YJU2B: variants seen among roughly 807,000 people sequenced by gnomAD.
The protein encoded by YJU2B is YJU2 splicing factor homolog B, also known as probable splicing factor YJU2B.
Under a neutral mutation model 38.0 loss-of-function variants are expected in YJU2B, and 18 were observed. The ratio of observed to expected loss-of-function variants is 0.47; its 90% CI spans 0.33 to 0.70. The LOEUF (loss-of-function observed/expected upper bound fraction) is 0.70. Ranked by LOEUF, YJU2B falls within the 30% of genes least tolerant of loss-of-function variation. The pLI is 0.02. For synonymous variants in YJU2B, 246 were observed against 225.4 expected (o/e 1.09, Z -0.82); for missense variants, 538 against 556.3 (o/e 0.97, Z 0.33).
chr19:13,757,398 G>C lies in YJU2B; in HGVS notation c.141-20G>C. On this transcript the variant is annotated intron_variant, in intron 4 of 9. Coordinates refer to ENST00000221554, the MANE Select transcript of YJU2B (RefSeq NM_030818.4). Reference sequence around the variant, plus strand: ...TGTCCAAGTGGACAAGTGCAAGTAAGATGCTGTCTGTCTTTGCAGATTCGA... The same window carrying C: ...TGTCCAAGTGGACAAGTGCAAGTAACATGCTGTCTGTCTTTGCAGATTCGA... 6.2e-7 allele frequency: 1 copy of C among 1,612,180 alleles called. No individual in the cohort carries two copies. Among genetic ancestry groups the C allele is most frequent in the Non-Finnish European group, 8.5e-7 (1 of 1,178,254 alleles).
At chr19:13,740,771 G>A (rs762833520) in intron 2 of YJU2B, among the ~76,000 whole-genome samples, 3 of 152,086 alleles carry the variant, frequency 2.0e-5, no homozygotes, top group East Asian at 1.9e-4. Context: ...TCCTGACCTC[G>A]CGATCTGCCT....
chr19:13,749,541 G>T (rs529219758), intron 1 of YJU2B, among the ~76,000 whole-genome samples: 1 of 152,084 alleles, frequency 6.6e-6, no homozygotes, highest in South Asian at 2.1e-4. Flanking sequence ...TTATTTTCTG[G>T]CCCTTGACAG....
Position 13,762,975 on chromosome 19 carries a change from C to T in YJU2B, c.1098C>T (p.Ser366=), listed in dbSNP as rs754578587. The part of the protein sequence containing the change: ...RQDKPLSPAG[S]SQEAADTPDT... ...ACAAGCCCCTGTCGCCAGCAGGCTCCTCCCAGGAGGCAGCTGACACCCCCG... is the reference window on the plus strand; with the variant it reads ...ACAAGCCCCTGTCGCCAGCAGGCTCTTCCCAGGAGGCAGCTGACACCCCCG... The change falls in exon 10 of 10, where the codon TCC becomes TCT. Residue 366 remains serine, a synonymous_variant. Coordinates refer to ENST00000221554, the MANE Select transcript of YJU2B (RefSeq NM_030818.4). The T allele has an allele frequency of 6.8e-6, 11 of 1,611,024 alleles. No individual in the cohort carries two copies. Among genetic ancestry groups the T allele is most frequent in the Middle Eastern group, 1.6e-4 (1 of 6,070 alleles).
At chr19:13,759,579 ACCC>A (rs3059652) in intron 8 of YJU2B, 3 of 220,244 alleles carry the variant, frequency 1.4e-5, no homozygotes, top group African/African-American at 4.6e-5. Context: ...GTGAGACACC[ACCC>A]CCCCCCTCCC....
At position 13,759,188 on chromosome 19, in the gene YJU2B, G is replaced by A. The variant is rs1428457546; in HGVS notation, c.489G>A (p.Leu163=). ...ACCGCAGCACACTCAAGAAGGCGCT[G>A]CCCACACTGAGCCACATCCAGGAGG... ...EADRSTLKKA[L]PTLSHIQEAQ... is the part of the protein sequence containing the mutation. Residue 163 remains leucine, a synonymous_variant, in exon 8 of 10, where the codon CTG becomes CTA. Transcript: ENST00000221554. The A allele has an allele frequency of 6.2e-7, 1 of 1,613,490 alleles. No homozygotes were observed. Among genetic ancestry groups the A allele is most frequent in the South Asian group, 1.1e-5 (1 of 90,986 alleles).
intron 1 of YJU2B, among the ~76,000 whole-genome samples, chr19:13,749,632 CTTTTTT>C (rs71170557): frequency 7.7e-6 from 1 of 130,336 alleles, no homozygotes; most frequent in African/African-American, 2.9e-5. Flanking sequence ...GAACTTCTTT[CTTTTTT>C]TTTTTTTTTT....
chr19:13,756,149 C>T (rs1973657759), intron 3 of YJU2B, 48 bp from the exon 4 acceptor site: 4 of 1,494,590 alleles, frequency 2.7e-6, no homozygotes, highest in Non-Finnish European at 3.7e-6. Context: ...AAATTGTGAG[C>T]TCCTCCAGCT....
chr19:13,749,667 C>T (rs1423409088), intron 1 of YJU2B, among the ~76,000 whole-genome samples: 1 of 140,762 alleles, frequency 7.1e-6, no homozygotes. Flanking sequence ...GAGTCTCGCT[C>T]TATCGCCCAG....
chr19:13,751,823 G>A lies in YJU2B; in HGVS notation c.3+12G>A. 1 of 1,614,024 alleles carries A rather than the reference G, an allele frequency of 6.2e-7. No individual in the cohort carries two copies. The highest frequency in any genetic ancestry group is 8.5e-7 in the Non-Finnish European group (1 of 1,179,890). ...CAGCTCCCAAGATGGTGAGTAGACA[G>A]CCTCGTGTGCCCTGGGTTTCTCTCC... On this transcript the variant is annotated intron_variant, in intron 2 of 9. Transcript: ENST00000221554.
chr19:13,759,059 G>A (rs1176068310), intron 7 of YJU2B, 41 bp from the exon 8 acceptor site: 10 of 1,612,422 alleles, frequency 6.2e-6, no homozygotes, highest in East Asian at 4.5e-5. Flanking sequence ...CTGAGTCTGC[G>A]CTGGGGCCCC....
intron 9 of YJU2B, 38 bp downstream of exon 9, chr19:13,762,475 C>T (rs752696283): frequency 6.2e-7 from 1 of 1,602,032 alleles, no homozygotes; most frequent in Non-Finnish European, 8.5e-7. Context: ...GACAGGGAGG[C>T]TCAGAGTTGC....
chr19:13,741,355 G>A (rs1230388059), intron 2 of YJU2B, among the ~76,000 whole-genome samples: 1 of 151,068 alleles, frequency 6.6e-6, no homozygotes, highest in African/African-American at 2.4e-5. Context: ...GGGTTTCACC[G>A]TGTTGGTCAG....
At chr19:13,749,361 T>C (rs758108038) in intron 1 of YJU2B, among the ~76,000 whole-genome samples, 10 of 152,218 alleles carry the variant, frequency 6.6e-5, no homozygotes, top group Non-Finnish European at 2.9e-5. Context: ...AATAATACTT[T>C]GTGACATGAC....
At chr19:13,750,754 C>G (rs1448523196) in intron 1 of YJU2B, among the ~76,000 whole-genome samples, 2 of 148,356 alleles carry the variant, frequency 1.3e-5, no homozygotes, top group Non-Finnish European at 3.0e-5. Context: ...CCCAGCTACT[C>G]AGGAGACTGA....
chr19:13,762,810 C>G lies in YJU2B; in HGVS notation c.933C>G (p.Ala311=). The change falls in exon 10 of 10, where the codon GCC becomes GCG. Residue 311 remains alanine (A), a synonymous_variant. Transcript: ENST00000221554. ...RDVPESPQHA[A]DTPKSGEPRV... ...TCCCGGAGAGCCCCCAGCATGCGGC[C>G]GACACCCCCAAGTCTGGGGAACCGC... 1 of 1,602,732 alleles carries G rather than the reference C, an allele frequency of 6.2e-7. No individual in the cohort carries two copies. Among genetic ancestry groups the G allele is most frequent in the South Asian group, 1.1e-5 (1 of 89,878 alleles).
At chr19:13,737,657 C>T (rs1480708583) in intron 2 of YJU2B, among the ~76,000 whole-genome samples, 3 of 149,936 alleles carry the variant, frequency 2.0e-5, no homozygotes, top group Non-Finnish European at 3.0e-5. Flanking sequence ...TGGCGGCGAG[C>T]GCCTGTAATC....
chr19:13,757,318 C>G, intron 4 of YJU2B, 100 bp from the exon 5 acceptor site: 1 of 909,084 alleles, frequency 1.1e-6, no homozygotes, highest in Non-Finnish European at 1.8e-6. Context: ...AGTCTAATAC[C>G]CCACCCCTCA....
At chr19:13,751,528 G>A (rs940802396) in intron 1 of YJU2B, 80 bp from the exon 2 acceptor site, 2 of 465,942 alleles carry the variant, frequency 4.3e-6, no homozygotes, top group South Asian at 3.3e-5. Flanking sequence ...GGACCCGGTG[G>A]GGGCCACAGA....
In YJU2B at chr19:13,751,644, G is replaced by C; in HGVS notation, c.-165G>C. On this transcript the variant is annotated 5_prime_UTR_variant, in exon 2 of 10. Coordinates refer to ENST00000221554, the MANE Select transcript of YJU2B (RefSeq NM_030818.4). ...TTTGGATGCCTCCTATGCCTGGCGG[G>C]AGTCTTGTCTGAGCTGGCACCACCA... The C allele has an allele frequency of 1.5e-6, 1 of 671,110 alleles. No homozygotes were observed. 41.6% of individuals were successfully genotyped at this position (671,110 alleles called of 1,614,324 possible).
Sources: allele counts gnomAD v4.1 joint callset (sites outside exome capture counted in the v4.1 genomes callset), GRCh38; gene constraint gnomAD v4.1.1; transcripts MANE v1.5; gene names NCBI Gene and HGNC (gene_info 2026-07-23, HGNC 2026-07-21).